ENOX1: variants seen among roughly 807,000 people sequenced by gnomAD.
ENOX1 encodes the protein ecto-NOX disulfide-thiol exchanger 1, also known as candidate growth-related and time keeping constitutive hydroquinone (NADH) oxidase.
ENOX1 carries 42 observed loss-of-function variants against 82.5 expected under a neutral mutation model. That is an observed-to-expected ratio of 0.51 (90% CI 0.40 to 0.66). The LOEUF is 0.66. Ranked by LOEUF, ENOX1 falls within the 30% of genes least tolerant of loss-of-function variation. ENOX1 has a pLI of 0.00. For synonymous variants in ENOX1, 271 were observed against 282.2 expected, an observed-to-expected ratio of 0.96 and a Z score of 0.40; for missense variants, 608 against 811.6, an observed-to-expected ratio of 0.75 and a Z score of 3.05.
chr13:43,610,877 T>C (rs149209242), intron 2 of ENOX1, among the ~76,000 whole-genome samples: 166 of 152,254 alleles, frequency 1.1e-3, no homozygotes, highest in African/African-American at 3.3e-3. Context: ...AATATACCTA[T>C]GTAAAATACT....
intron 1 of ENOX1, among the ~76,000 whole-genome samples, chr13:43,730,989 T>C (rs1307944478): frequency 6.6e-6 from 1 of 152,200 alleles, no homozygotes; most frequent in Admixed American, 6.5e-5. Flanking sequence ...TTCTTCATGA[T>C]GTGTCTCATC....
intron 2 of ENOX1, among the ~76,000 whole-genome samples, chr13:43,630,919 ATGTGTGTGTGTGTT>A (rs1314624518): frequency 2.6e-4 from 35 of 134,884 alleles, no homozygotes; most frequent in African/African-American, 7.7e-4. Flanking sequence ...GTGTGCGTAT[ATGTGTGTGTGTGTT>A]TGTGTGTGTG....
chr13:43,400,873 G>A (rs1195658869), intron 5 of ENOX1, among the ~76,000 whole-genome samples: 1 of 152,158 alleles, frequency 6.6e-6, no homozygotes, highest in African/African-American at 2.4e-5. Flanking sequence ...AAAAACGTAG[G>A]AGACTTTGCT....
intron 9 of ENOX1, among the ~76,000 whole-genome samples, chr13:43,336,047 C>A (rs1447303737): frequency 6.6e-6 from 1 of 152,192 alleles, no homozygotes; most frequent in Non-Finnish European, 1.5e-5. Context: ...ATTGCTAAAG[C>A]AGTTATGGGG....
chr13:43,631,686 C>G (rs771616092), intron 2 of ENOX1, among the ~76,000 whole-genome samples: 1 of 152,304 alleles, frequency 6.6e-6, no homozygotes, highest in African/African-American at 2.4e-5. Context: ...AATATCTACA[C>G]GCAAGTAGGC....
intron 14 of ENOX1, among the ~76,000 whole-genome samples, chr13:43,260,915 C>T (rs974844511): frequency 3.3e-5 from 5 of 152,198 alleles, no homozygotes; most frequent in South Asian, 2.1e-4. Context: ...GCCTATCTGT[C>T]GTTAATATAT....
chr13:43,726,103 C>CA, intron 1 of ENOX1, among the ~76,000 whole-genome samples: 1 of 150,002 alleles, frequency 6.7e-6, no homozygotes, highest in Middle Eastern at 3.4e-3. Context: ...AACAAAGGAA[C>CA]AAAAAATAAA....
intron 5 of ENOX1, among the ~76,000 whole-genome samples, chr13:43,363,939 G>T (rs1431823666): frequency 8.5e-5 from 13 of 152,174 alleles, no homozygotes; most frequent in Non-Finnish European, 4.4e-5. Context: ...AGACTATGAG[G>T]TTTAATGAAA....
At chr13:43,622,567 G>A (rs1317704762) in intron 2 of ENOX1, among the ~76,000 whole-genome samples, 1 of 152,176 alleles carries the variant, frequency 6.6e-6, no homozygotes, top group East Asian at 1.9e-4. Context: ...CTGGTAATGG[G>A]GGTTGTCTGC....
intron 2 of ENOX1, chr13:43,546,068 T>C (rs1008610687): frequency 3.3e-5 from 5 of 152,250 alleles, no homozygotes; most frequent in Admixed American, 3.3e-4. Context: ...AATCTCTATA[T>C]TGTGCCAGAT....
intron 2 of ENOX1, among the ~76,000 whole-genome samples, chr13:43,619,053 G>T (rs2082612180): frequency 6.8e-6 from 1 of 147,494 alleles, no homozygotes; most frequent in Admixed American, 6.8e-5. Context: ...CACTGTTGGT[G>T]TATGGAAGAA....
chr13:43,652,345 G>A (rs549446542), intron 2 of ENOX1, among the ~76,000 whole-genome samples: 1 of 152,276 alleles, frequency 6.6e-6, no homozygotes, highest in South Asian at 2.1e-4. Context: ...TAAGTTTTGA[G>A]TCAATGTCCA....
intron 3 of ENOX1, among the ~76,000 whole-genome samples, chr13:43,431,899 A>G (rs1018539508): frequency 2.6e-5 from 4 of 152,112 alleles, no homozygotes; most frequent in Non-Finnish European, 4.4e-5. Context: ...AGACCCTCGA[A>G]CACCTCCTTT....
chr13:43,358,621 AT>A (rs1364681727), intron 7 of ENOX1, among the ~76,000 whole-genome samples: 1 of 152,148 alleles, frequency 6.6e-6, no homozygotes, highest in African/African-American at 2.4e-5. Context: ...CATTTCCTGA[AT>A]GGTTTCTATG....
chr13:43,231,379 G>A (rs764579680), intron 15 of ENOX1, among the ~76,000 whole-genome samples: 3 of 152,158 alleles, frequency 2.0e-5, no homozygotes, highest in Non-Finnish European at 2.9e-5. Context: ...GTAGGAAACC[G>A]ATCAAACACT....
intron 2 of ENOX1, among the ~76,000 whole-genome samples, chr13:43,595,008 T>A (rs59756957): frequency 0.099 from 15,017 of 151,314 alleles, 773 homozygotes; most frequent in Admixed American, 0.12. Context: ...GCTCAGGCAG[T>A]TTATCAGAGA....
chr13:43,241,963 C>G (rs1263444199), intron 14 of ENOX1, among the ~76,000 whole-genome samples: 2 of 152,186 alleles, frequency 1.3e-5, no homozygotes, highest in Non-Finnish European at 2.9e-5. Context: ...GCTTCCCTGC[C>G]TTATAAAATC....
At chr13:43,434,946 T>G (rs1444334352) in intron 3 of ENOX1, among the ~76,000 whole-genome samples, 16 of 145,810 alleles carry the variant, frequency 1.1e-4, no homozygotes, top group African/African-American at 3.8e-4. Context: ...GGTTTTTTTT[T>G]TTTTTTTTTT....
At chr13:43,612,844 TCTTA>T (rs749575639) in intron 2 of ENOX1, among the ~76,000 whole-genome samples, 6 of 121,202 alleles carry the variant, frequency 5.0e-5, no homozygotes, top group Non-Finnish European at 1.0e-4. Context: ...TCACTACCTT[TCTTA>T]CTTTTCTTTA....
Sources: allele counts gnomAD v4.1 joint callset (sites outside exome capture counted in the v4.1 genomes callset), GRCh38; gene constraint gnomAD v4.1.1; transcripts MANE v1.5; gene names NCBI Gene and HGNC (gene_info 2026-07-23, HGNC 2026-07-21).